PTPRE: variants seen among roughly 807,000 people sequenced by gnomAD.
PTPRE encodes the protein protein tyrosine phosphatase receptor type E, also known as receptor-type tyrosine-protein phosphatase epsilon.
A neutral mutation model predicts 102.0 loss-of-function variants in PTPRE; 51 were observed. The observed-to-expected ratio is 0.50, with a 90% CI of 0.40 to 0.63. The LOEUF (loss-of-function observed/expected upper bound fraction) is 0.63, where lower values mean the gene tolerates loss of function less well. Among genes scored for constraint, PTPRE ranks in the 30% least tolerant of loss-of-function variants. The pLI is 0.00. For synonymous variants in PTPRE, 345 were observed against 348.2 expected (o/e 0.99, Z 0.10); for missense variants, 752 against 915.1 (o/e 0.82, Z 2.30).
chr10:127,966,036 C>A (rs1850219231), intron 1 of PTPRE, among the ~76,000 whole-genome samples: 1 of 152,244 alleles, frequency 6.6e-6, no homozygotes, highest in East Asian at 1.9e-4. Flanking sequence ...GTCATGACTC[C>A]CACACTCACT....
rs60034358 is a variant in PTPRE at position 127,990,411 on chromosome 10, C to CAAA, written c.-8+8135_-8+8137dup. Among the ~76,000 whole-genome samples the CAAA allele has an allele frequency of 3.8e-3, 250 of 65,506 alleles. 2 individuals are homozygous for CAAA. Among genetic ancestry groups the CAAA allele is most frequent in the African/African-American group, 7.7e-3 (129 of 16,790 alleles). 43.0% of individuals were successfully genotyped at this position (65,506 alleles called of 152,430 possible). On this transcript the variant is annotated intron_variant, in intron 2 of 20. Coordinates refer to ENST00000254667, the MANE Select transcript of PTPRE (RefSeq NM_006504.6). The stretch of plus-strand genomic sequence containing the variant: ...TGGGTGACAGAGCATGACTCCACCT[C>CAAA]AAAAAAAAAAAAAAAAAAAAAAGAA...
At chr10:127,989,587 G>A (rs901095550) in intron 2 of PTPRE, among the ~76,000 whole-genome samples, 2 of 152,178 alleles carry the variant, frequency 1.3e-5, no homozygotes, top group South Asian at 2.1e-4. Flanking sequence ...GGACTGAAAC[G>A]CTGCTCCTCT....
chr10:128,050,494 C>A (rs1332748562), intron 6 of PTPRE, among the ~76,000 whole-genome samples: 1 of 151,630 alleles, frequency 6.6e-6, no homozygotes, highest in African/African-American at 2.4e-5. Flanking sequence ...GATGGATGGG[C>A]AGATAGAGAA....
chr10:127,992,319 C>T (rs768509559), intron 2 of PTPRE, among the ~76,000 whole-genome samples: 2 of 152,160 alleles, frequency 1.3e-5, no homozygotes, highest in African/African-American at 2.4e-5. Context: ...TAAGGACATC[C>T]GTCTCCCTAG....
intron 2 of PTPRE, among the ~76,000 whole-genome samples, chr10:128,005,148 A>G (rs1327043598): frequency 6.6e-6 from 1 of 152,250 alleles, no homozygotes; most frequent in Non-Finnish European, 1.5e-5. Context: ...TCCTTACGAC[A>G]TAAATCATTT....
At chr10:127,926,804 CT>C (rs150223324) in intron 1 of PTPRE, among the ~76,000 whole-genome samples, 2,683 of 82,658 alleles carry the variant, frequency 0.032, 60 homozygotes, top group East Asian at 0.1. Context: ...AGAGAGTTGT[CT>C]TTTTTTTTTT....
At chr10:127,941,508 A>G (rs537788324) in intron 1 of PTPRE, among the ~76,000 whole-genome samples, 29 of 152,352 alleles carry the variant, frequency 1.9e-4, no homozygotes, top group African/African-American at 5.5e-4. Context: ...GGCTCACAGG[A>G]GCACGTCTTC....
At chr10:127,923,866 C>G (rs1846806866) in intron 1 of PTPRE, among the ~76,000 whole-genome samples, 1 of 152,116 alleles carries the variant, frequency 6.6e-6, no homozygotes, top group Admixed American at 6.5e-5. Flanking sequence ...AGCTGAGACC[C>G]CTGAGGGATC....
chr10:128,012,804 G>C (rs1336407606), intron 2 of PTPRE, among the ~76,000 whole-genome samples: 2 of 152,162 alleles, frequency 1.3e-5, no homozygotes, highest in African/African-American at 4.8e-5. Context: ...TCTTTTTCAG[G>C]GGAGTGTGGT....
At position 127,944,780 on chromosome 10, in the gene PTPRE, G is replaced by T. The variant is rs910956668; in HGVS notation, c.-31+37471G>T. On this transcript the variant is annotated intron_variant, in intron 1 of 20. Transcript: ENST00000254667. This position sits in a 1 kb window ranked among gnomAD's most constrained non-coding sequence, Gnocchi z 4.2. Reference sequence around the variant, plus strand: ...CTGGAAGCAAGAGACTAGCTAGGGGGTTGTTGCAGTGAAAGAAGATAGTGG... The same window carrying T: ...CTGGAAGCAAGAGACTAGCTAGGGGTTTGTTGCAGTGAAAGAAGATAGTGG... Among the ~76,000 whole-genome samples the T allele has an allele frequency of 7.9e-5, 12 of 152,198 alleles. No homozygotes were observed. The highest frequency in any genetic ancestry group is 1.5e-5 in the Non-Finnish European group (1 of 68,028).
intron 2 of PTPRE, among the ~76,000 whole-genome samples, chr10:128,014,517 G>A (rs1226038388): frequency 1.3e-5 from 2 of 152,068 alleles, no homozygotes; most frequent in East Asian, 1.9e-4. Flanking sequence ...AGACCCATGC[G>A]AGGAGGGCGG....
At position 128,042,923 on chromosome 10, in the gene PTPRE, A is replaced by G. The variant is rs971676104; in HGVS notation, c.109+1933A>G. Among the ~76,000 whole-genome samples the G allele has an allele frequency of 4.6e-5, 7 of 152,364 alleles. No homozygotes were observed. The South Asian group carries it at 1.4e-3, about 32-fold the overall frequency. ...TACAAATATCTAATTATGTTTCACT[A>G]ATCATGAAAAGATGCTCAACTCTCT... On this transcript the variant is annotated intron_variant, in intron 3 of 20. Transcript: ENST00000254667.
chr10:127,945,843 C>A (rs549384141), intron 1 of PTPRE, among the ~76,000 whole-genome samples: 1 of 152,238 alleles, frequency 6.6e-6, no homozygotes, highest in Non-Finnish European at 1.5e-5. Flanking sequence ...GTTGCTAACC[C>A]CTGTGGGGTC....
intron 2 of PTPRE, among the ~76,000 whole-genome samples, chr10:127,988,789 C>T (rs1589921610): frequency 6.6e-6 from 1 of 152,120 alleles, no homozygotes; most frequent in East Asian, 1.9e-4. Context: ...GTGCAATGTA[C>T]CCATGTAAGA....
At chr10:127,971,839 C>G (rs981166669) in intron 1 of PTPRE, among the ~76,000 whole-genome samples, 1 of 152,208 alleles carries the variant, frequency 6.6e-6, no homozygotes, top group Admixed American at 6.5e-5. Context: ...CCATGGGCAC[C>G]AGGAGAGCTT....
chr10:128,076,463 TATATTC>T (rs1265095094), intron 17 of PTPRE, 134 bp from the exon 18 acceptor site: 9 of 811,748 alleles, frequency 1.1e-5, no homozygotes, highest in East Asian at 6.0e-5. Flanking sequence ...AACAGGCATT[TATATTC>T]ATATTCATAT....
intron 1 of PTPRE, among the ~76,000 whole-genome samples, chr10:127,923,116 G>T (rs1310486457): frequency 2.0e-5 from 3 of 152,260 alleles, no homozygotes; most frequent in African/African-American, 7.2e-5. Flanking sequence ...TGCTCAGCCC[G>T]GCATAGCGGC....
chr10:128,080,361 C>T (rs1162109914), intron 20 of PTPRE, among the ~76,000 whole-genome samples: 7 of 152,206 alleles, frequency 4.6e-5, no homozygotes, highest in Non-Finnish European at 8.8e-5. Context: ...CCTGCCTGCT[C>T]ACTCTCCACG....
chr10:127,943,765 T>C (rs1195188442), intron 1 of PTPRE, among the ~76,000 whole-genome samples: 6 of 152,234 alleles, frequency 3.9e-5, no homozygotes, highest in Admixed American at 6.5e-5. Flanking sequence ...CCAAACTCTC[T>C]TAATTCCAGA....
Sources: allele counts gnomAD v4.1 joint callset (sites outside exome capture counted in the v4.1 genomes callset), GRCh38; gene constraint gnomAD v4.1.1; non-coding constraint Gnocchi (gnomAD v3.1); transcripts MANE v1.5; gene names NCBI Gene and HGNC (gene_info 2026-07-23, HGNC 2026-07-21).